The following OR9Q1 variants were observed in gnomAD, a reference collection of about 807,000 sequenced individuals.
OR9Q1 encodes the protein olfactory receptor family 9 subfamily Q member 1, also known as olfactory receptor 9Q1.
For missense variants in OR9Q1, 374 were observed against 378.8 expected (o/e 0.99, Z 0.11); for synonymous variants, 153 against 148.6 (o/e 1.03, Z -0.22).
intron 2 of OR9Q1, chr11:58,078,241 G>A (rs911252189): frequency 1.3e-5 from 2 of 152,208 alleles, no homozygotes; most frequent in East Asian, 1.9e-4. Flanking sequence ...ATGGCTTGTA[G>A]TGTGGGGCAG....
Position 58,173,879 on chromosome 11 carries a change from T to C in OR9Q1, c.-14-5552T>C, listed in dbSNP as rs570833923. On this transcript the variant is annotated intron_variant, in intron 2 of 2. Transcript: ENST00000335397. ...GCAGACATATGACTTGTCTTTGTAG[T>C]TCATAATTCTGTAAACCAAGGGAAG... 5.3e-5 allele frequency among the ~76,000 whole-genome samples: 8 copies of C among 152,272 alleles called. No individual in the cohort carries two copies. The East Asian group carries it at 9.7e-4, about 18-fold the overall frequency.
intron 2 of OR9Q1, among the ~76,000 whole-genome samples, chr11:58,068,498 T>C (rs147022333): frequency 2.8e-4 from 42 of 152,258 alleles, no homozygotes; most frequent in Non-Finnish European, 5.1e-4. Context: ...GAAGATCGTC[T>C]TAGCATGAAC....
At chr11:58,108,351 T>C (rs1462411191) in intron 2 of OR9Q1, among the ~76,000 whole-genome samples, 12 of 152,082 alleles carry the variant, frequency 7.9e-5, no homozygotes, top group Admixed American at 7.9e-4. Flanking sequence ...GAAGAATAAG[T>C]AAGGGCAACT....
At position 58,118,432 on chromosome 11, in the gene OR9Q1, T is replaced by C. The variant is rs1368368125; in HGVS notation, c.-14-60999T>C. On this transcript the variant is annotated intron_variant, in intron 2 of 2. Transcript: ENST00000335397. Reference sequence around the variant, plus strand: ...TGTGGGTATAGGTTGCATATAGTAATGGTGCCTATTAGGATATATTCATAT... The same window carrying C: ...TGTGGGTATAGGTTGCATATAGTAACGGTGCCTATTAGGATATATTCATAT... The C allele has an allele frequency of 1.9e-5, 19 of 1,009,818 alleles. No homozygotes were observed. In the African/African-American group the frequency reaches 2.1e-4, roughly 11 times the overall value. 62.6% of individuals were successfully genotyped at this position (1,009,818 alleles called of 1,614,324 possible).
At chr11:58,037,668 TATATATATATATATATATATA>T (rs1237357835) in intron 1 of OR9Q1, among the ~76,000 whole-genome samples, 7 of 7,808 alleles carry the variant, frequency 9.0e-4, no homozygotes, top group African/African-American at 1.6e-3. Flanking sequence ...TATATATATA[TATATATATATATATATATATA>T]TTTTTTTTTT....
intron 2 of OR9Q1, among the ~76,000 whole-genome samples, chr11:58,161,822 G>A (rs1429465562): frequency 2.0e-5 from 3 of 152,148 alleles, no homozygotes; most frequent in African/African-American, 4.8e-5. Context: ...GTGAGCCACC[G>A]CACCCGGCCC....
intron 2 of OR9Q1, among the ~76,000 whole-genome samples, chr11:58,129,174 C>A (rs1454174987): frequency 6.6e-6 from 1 of 152,070 alleles, no homozygotes; most frequent in Non-Finnish European, 1.5e-5. Flanking sequence ...TCCACCATCT[C>A]AACGGTGGTG....
intron 2 of OR9Q1, chr11:58,109,120 A>G: frequency 2.0e-6 from 1 of 502,922 alleles, no homozygotes; most frequent in South Asian, 1.5e-5. Context: ...CAGGGGTGGG[A>G]GGTCACAGAA....
rs756657444 is a variant in OR9Q1, at chr11:58,118,829, C to T, written c.-14-60602C>T. The T allele has an allele frequency of 2.6e-5, 42 of 1,614,022 alleles. 1 individual carries two copies. The East Asian group carries it at 9.2e-4, about 35-fold the overall frequency. On this transcript the variant is annotated intron_variant, in intron 2 of 2. Coordinates refer to ENST00000335397, the MANE Select transcript of OR9Q1 (RefSeq NM_001005212.4). ...ATGACGGAGGCATTGGCCAAAATCA[C>T]AAAATTGCCAAAGAAGATGATGACA...
rs1431551848 is a variant in OR9Q1 at position 58,052,949 on chromosome 11, A to G, written c.-92-2921A>G. ...GCAATCATTAAAAAGTCAGGAAACAACAGGTGCTGGAGAGGATGTGGAGAA... is the reference window on the plus strand; with the variant it reads ...GCAATCATTAAAAAGTCAGGAAACAGCAGGTGCTGGAGAGGATGTGGAGAA... On this transcript the variant is annotated intron_variant, in intron 1 of 2. Coordinates refer to ENST00000335397, the MANE Select transcript of OR9Q1 (RefSeq NM_001005212.4). 3.9e-3 allele frequency among the ~76,000 whole-genome samples: 593 copies of G among 151,856 alleles called. 6 individuals are homozygous for G. Among genetic ancestry groups the G allele is most frequent in the African/African-American group, 0.013 (557 of 41,536 alleles).
chr11:58,048,677 A>ATATATATATAT lies in OR9Q1; in HGVS notation c.-92-7193_-92-7192insTATATATATAT, dbSNP rs796426109. The stretch of plus-strand genomic sequence containing the variant: ...GAGCAAGGACTCCATCTTAAAAAAA[A>ATATATATATAT]AAATATATATATATATATTTTTTAG... On this transcript the variant is annotated intron_variant, in intron 1 of 2. Transcript: ENST00000335397. Among the ~76,000 whole-genome samples the ATATATATATAT allele has an allele frequency of 1.3e-4, 14 of 109,836 alleles. No individual in the cohort carries two copies. The South Asian group carries it at 2.7e-3, about 21-fold the overall frequency. 72.1% of individuals were successfully genotyped at this position (109,836 alleles called of 152,430 possible). A position where few individuals can be genotyped will look rare whatever the true frequency, so the allele number is the denominator to read the frequency against.
chr11:58,142,098 T>A (rs1854255641), intron 2 of OR9Q1, among the ~76,000 whole-genome samples: 2 of 152,190 alleles, frequency 1.3e-5, no homozygotes, highest in South Asian at 4.2e-4. Context: ...AAATGTCACC[T>A]TTTCAGTGAG....
At chr11:58,171,300 A>T (rs1414109060) in intron 2 of OR9Q1, 1 of 152,182 alleles carries the variant, frequency 6.6e-6, no homozygotes, top group Non-Finnish European at 1.5e-5. Flanking sequence ...TTGTGCCTTC[A>T]TCTATAGGTT....
intron 1 of OR9Q1, among the ~76,000 whole-genome samples, chr11:58,024,741 G>A (rs1852954062): frequency 6.6e-6 from 1 of 152,188 alleles, no homozygotes; most frequent in Non-Finnish European, 1.5e-5. Flanking sequence ...GAACCTTGGA[G>A]AGGAAGCGGA....
intron 1 of OR9Q1, among the ~76,000 whole-genome samples, chr11:58,028,796 C>T (rs887385850): frequency 3.3e-5 from 5 of 152,216 alleles, no homozygotes; most frequent in South Asian, 2.1e-4. Context: ...ATGGCGAAGA[C>T]GCACGCAGAA....
rs530499258 is a variant in OR9Q1 at position 58,152,062 on chromosome 11, A to C, written c.-14-27369A>C. Among the ~76,000 whole-genome samples, 69 of 152,280 alleles carry C rather than the reference A, an allele frequency of 4.5e-4. No homozygotes were observed. In the East Asian group the frequency reaches 0.012, roughly 26 times the overall value. On this transcript the variant is annotated intron_variant, in intron 2 of 2. Coordinates refer to ENST00000335397, the MANE Select transcript of OR9Q1 (RefSeq NM_001005212.4). ...GGAAATCCTCTCAGGCCAGGAGAAC[A>C]GCGGTCCTGAGTTCCAGAAATTACA... is the stretch of plus-strand genomic sequence containing the variant.
intron 1 of OR9Q1, among the ~76,000 whole-genome samples, chr11:58,053,675 A>G (rs373801148): frequency 7.0e-6 from 1 of 143,534 alleles, no homozygotes; most frequent in Non-Finnish European, 1.5e-5. Context: ...TATATATAAA[A>G]TAAAAATATT....
At chr11:58,024,856 T>C (rs1321743042) in intron 1 of OR9Q1, among the ~76,000 whole-genome samples, 1 of 152,064 alleles carries the variant, frequency 6.6e-6, no homozygotes, top group East Asian at 1.9e-4. Flanking sequence ...GAAATTAACC[T>C]CAGAGTCAGG....
At chr11:58,037,677 A>AGT (rs1853115436) in intron 1 of OR9Q1, among the ~76,000 whole-genome samples, 1 of 32,372 alleles carries the variant, frequency 3.1e-5, no homozygotes, top group Non-Finnish European at 6.0e-5. Flanking sequence ...ATATATATAT[A>AGT]TATATATATA....
Sources: gnomAD v4.1 joint callset for allele counts (sites outside exome capture counted in the v4.1 genomes callset) on GRCh38, gnomAD v4.1.1 for gene constraint, MANE v1.5 for transcripts, NCBI Gene and HGNC (gene_info 2026-07-23, HGNC 2026-07-21) for gene names.